Variants in JMY observed in about 807,000 individuals in gnomAD.
The protein encoded by JMY is junction-mediating and -regulatory protein.
A neutral mutation model predicts 103.3 loss-of-function variants in JMY; 46 were observed. The ratio of observed to expected loss-of-function variants is 0.45; its 90% confidence interval spans 0.35 to 0.57. The LOEUF (loss-of-function observed/expected upper bound fraction) is 0.57, where lower values mean the gene tolerates loss of function less well. JMY is among the 20% of genes least tolerant of loss of function. The pLI is 0.00. For synonymous variants in JMY, 526 were observed against 489.3 expected, an observed-to-expected ratio of 1.07 and a Z score of -0.99; for missense variants, 1,238 against 1,255.2, an observed-to-expected ratio of 0.99 and a Z score of 0.21.
chr5:79,312,522 A>C, intron 8 of JMY, 24 bp downstream of exon 8: 1 of 1,114,166 alleles, frequency 9.0e-7, no homozygotes, highest in Non-Finnish European at 1.2e-6. Context: ...TGGTCCATTT[A>C]TTGTTTTTCT....
chr5:79,271,845 C>T (rs926606835), intron 1 of JMY, among the ~76,000 whole-genome samples: 1 of 152,068 alleles, frequency 6.6e-6, no homozygotes, highest in African/African-American at 2.4e-5. Flanking sequence ...CAGTGGCTCA[C>T]GCCTGTAATC....
chr5:79,250,547 TA>T (rs1339655518), intron 1 of JMY, among the ~76,000 whole-genome samples: 2 of 152,150 alleles, frequency 1.3e-5, no homozygotes, highest in Non-Finnish European at 2.9e-5. Flanking sequence ...TGGTAAGCAT[TA>T]ACCTCTGGAA....
intron 1 of JMY, among the ~76,000 whole-genome samples, chr5:79,258,838 G>A (rs1251111630): frequency 1.3e-5 from 2 of 152,160 alleles, no homozygotes; most frequent in Non-Finnish European, 2.9e-5. Flanking sequence ...CTGTCCTCTT[G>A]TTGGCTGTAA....
intron 1 of JMY, among the ~76,000 whole-genome samples, chr5:79,254,602 T>C (rs918549912): frequency 6.6e-6 from 1 of 152,196 alleles, no homozygotes; most frequent in African/African-American, 2.4e-5. Context: ...CTGTTGGAAG[T>C]TTGATTATTA....
Position 79,323,090 on chromosome 5 carries a change from A to G in JMY, c.*1488A>G, listed in dbSNP as rs1404329575. On this transcript the variant is annotated 3_prime_UTR_variant, in exon 11 of 11. Transcript: ENST00000396137. ...ACTTTTTTTATTATTTCAAAACAAA[A>G]CAGGCACATGCCACCATGCCCCAGC... The G allele has an allele frequency of 6.6e-6, 1 of 152,164 alleles. No individual in the cohort carries two copies. The highest frequency in any genetic ancestry group is 1.5e-5 in the Non-Finnish European group (1 of 68,034). 9.4% of individuals were successfully genotyped at this position (152,164 alleles called of 1,614,324 possible).
intron 2 of JMY, among the ~76,000 whole-genome samples, chr5:79,282,646 A>G (rs937232184): frequency 3.9e-5 from 6 of 152,196 alleles, no homozygotes; most frequent in African/African-American, 1.4e-4. Flanking sequence ...AATAGAGAAT[A>G]TTCCTGATGA....
chr5:79,236,414 A>AC lies in JMY; in HGVS notation c.-235dup. The AC allele has an allele frequency of 5.6e-6, 2 of 360,298 alleles. No individual in the cohort carries two copies. The highest frequency in any genetic ancestry group is 9.9e-6 in the Non-Finnish European group (2 of 202,412). The allele number at this position is 360,298 out of a possible 1,614,324, so 22.3% of individuals were successfully genotyped here. On this transcript the variant is annotated 5_prime_UTR_variant, in exon 1 of 11. Coordinates refer to ENST00000396137, the MANE Select transcript of JMY (RefSeq NM_152405.5). ...TTGTAAACAGATCCGGCCGCAGGTG[A>AC]CCATGTGAACTACCTGCTCCCGGGA...
At chr5:79,275,156 GTTTTTTTTT>G (rs113713043) in intron 1 of JMY, among the ~76,000 whole-genome samples, 3 of 133,698 alleles carry the variant, frequency 2.2e-5, no homozygotes, top group Non-Finnish European at 4.9e-5. Context: ...GTTTCTGAGG[GTTTTTTTTT>G]TTTTTTTTTG....
At position 79,245,092 on chromosome 5, in the gene JMY, G is replaced by A. The variant is rs1744850655; in HGVS notation, c.1032+7410G>A. Among the ~76,000 whole-genome samples the A allele has an allele frequency of 3.3e-5, 5 of 152,180 alleles. No homozygotes were observed. The South Asian group carries it at 1.0e-3, about 32-fold the overall frequency. On this transcript the variant is annotated intron_variant, in intron 1 of 10. Coordinates refer to ENST00000396137, the MANE Select transcript of JMY (RefSeq NM_152405.5). ...TATATAGTAGACTCTTTTTCAGACT[G>A]TAGCAAAGGTTCTATAAAATGGGCT...
intron 1 of JMY, among the ~76,000 whole-genome samples, chr5:79,273,212 C>T (rs1404560769): frequency 6.6e-6 from 1 of 152,088 alleles, no homozygotes. Context: ...TTTTAAAGAA[C>T]ATTTCTTATG....
At chr5:79,301,753 GTTGTGAGC>G (rs1270210675) in intron 6 of JMY, among the ~76,000 whole-genome samples, 1 of 152,132 alleles carries the variant, frequency 6.6e-6, no homozygotes, top group Non-Finnish European at 1.5e-5. Context: ...GTCAGCCCTG[GTTGTGAGC>G]TTCATTTCAC....
At chr5:79,319,673 G>C (rs979975775) in intron 10 of JMY, among the ~76,000 whole-genome samples, 1 of 151,042 alleles carries the variant, frequency 6.6e-6, no homozygotes, top group African/African-American at 2.4e-5. Flanking sequence ...CCTGTGCCTC[G>C]TGATTCAAGA....
intron 1 of JMY, among the ~76,000 whole-genome samples, chr5:79,244,293 G>T (rs542479965): frequency 6.6e-6 from 1 of 152,108 alleles, no homozygotes; most frequent in African/African-American, 2.4e-5. Context: ...GAGCCACCAC[G>T]CCTGGCCCAG....
intron 1 of JMY, among the ~76,000 whole-genome samples, chr5:79,271,399 A>G (rs1745779837): frequency 6.6e-6 from 1 of 152,080 alleles, no homozygotes; most frequent in Admixed American, 6.6e-5. Context: ...TCACAAAACG[A>G]GTTAGGAAGT....
chr5:79,276,324 G>A (rs1174105355), intron 1 of JMY, among the ~76,000 whole-genome samples: 1 of 152,030 alleles, frequency 6.6e-6, no homozygotes, highest in Non-Finnish European at 1.5e-5. Context: ...TCACCATGTT[G>A]GCCAAGACTG....
Position 79,239,752 on chromosome 5 carries a change from A to G in JMY, c.1032+2070A>G, listed in dbSNP as rs190246457. Among the ~76,000 whole-genome samples, 1,051 of 150,704 alleles carry G rather than the reference A, an allele frequency of 7.0e-3. 6 individuals carry two copies. The highest frequency in any genetic ancestry group is 0.051 in the Middle Eastern group (15 of 292). On this transcript the variant is annotated intron_variant, in intron 1 of 10. Transcript: ENST00000396137. ...GTGAACCCAGGAGGCGTAGCTTGCA[A>G]TGAGCTGAGATCATGCCAGTGCACT...
At chr5:79,244,947 A>G (rs1373986407) in intron 1 of JMY, among the ~76,000 whole-genome samples, 4 of 152,084 alleles carry the variant, frequency 2.6e-5, no homozygotes, top group African/African-American at 9.6e-5. Context: ...ATTAAACTGC[A>G]TAGGGGCAGA....
intron 1 of JMY, among the ~76,000 whole-genome samples, chr5:79,262,921 T>C (rs1745468176): frequency 6.6e-6 from 1 of 152,248 alleles, no homozygotes. Flanking sequence ...TTAATAATCA[T>C]ATAATGACTT....
chr5:79,297,430 A>G (rs1329245654), intron 4 of JMY, among the ~76,000 whole-genome samples: 1 of 152,082 alleles, frequency 6.6e-6, no homozygotes, highest in African/African-American at 2.4e-5. Flanking sequence ...TGTTTCTCTT[A>G]GTTCTGTGGC....
Sources: gnomAD v4.1 joint callset for allele counts (sites outside exome capture counted in the v4.1 genomes callset) on GRCh38, gnomAD v4.1.1 for gene constraint, MANE v1.5 for transcripts, NCBI Gene and HGNC (gene_info 2026-07-23, HGNC 2026-07-21) for gene names.